The following PCDH15 variants were observed in gnomAD, a reference collection of about 807,000 sequenced individuals.
The protein encoded by PCDH15 is protocadherin-15.
A neutral mutation model predicts 178.5 loss-of-function variants in PCDH15; 129 were observed. The observed-to-expected ratio is 0.72, with a 90% CI of 0.63 to 0.84. The LOEUF (loss-of-function observed/expected upper bound fraction) is 0.84. Among genes scored for constraint, PCDH15 ranks in the 40% least tolerant of loss-of-function variants. The pLI is 0.00. For missense variants in PCDH15, 2,230 were observed against 2,099.9 expected, an observed-to-expected ratio of 1.06 and a Z score of -1.21; for synonymous variants, 800 against 732.0, an observed-to-expected ratio of 1.09 and a Z score of -1.50.
intron 3 of PCDH15, among the ~76,000 whole-genome samples, chr10:54,385,453 G>A (rs1481471729): frequency 6.6e-6 from 1 of 152,220 alleles, no homozygotes; most frequent in East Asian, 1.9e-4. Flanking sequence ...AACCATACGT[G>A]CTCAAGCAGT....
intron 3 of PCDH15, among the ~76,000 whole-genome samples, chr10:54,460,144 C>T (rs1400885231): frequency 6.6e-6 from 1 of 152,056 alleles, no homozygotes; most frequent in Non-Finnish European, 1.5e-5. Flanking sequence ...GGGTATAAAG[C>T]AGTCCACTAA....
At chr10:55,601,553 G>T (rs1279997622) in intron 2 of PCDH15, among the ~76,000 whole-genome samples, 6 of 152,152 alleles carry the variant, frequency 3.9e-5, no homozygotes, top group Admixed American at 3.9e-4. Flanking sequence ...ACAAGTAAGT[G>T]ATGTTAATTA....
intron 3 of PCDH15, among the ~76,000 whole-genome samples, chr10:54,496,427 T>C (rs1030663996): frequency 8.6e-5 from 13 of 152,022 alleles, no homozygotes; most frequent in Non-Finnish European, 1.8e-4. Context: ...TTTGCAACCA[T>C]GAAACAAGTC....
intron 1 of PCDH15, among the ~76,000 whole-genome samples, chr10:54,749,305 A>G (rs1945878448): frequency 6.6e-6 from 1 of 152,218 alleles, no homozygotes; most frequent in Admixed American, 6.5e-5. Context: ...TTTAGAACTA[A>G]GAAGAAATAT....
intron 3 of PCDH15, among the ~76,000 whole-genome samples, chr10:54,893,416 T>C (rs569730051): frequency 6.6e-6 from 1 of 152,212 alleles, no homozygotes; most frequent in South Asian, 2.1e-4. Context: ...TAAAATAATA[T>C]ATTTAATCTG....
At chr10:54,667,557 A>G (rs540070746) in intron 1 of PCDH15, among the ~76,000 whole-genome samples, 51 of 152,220 alleles carry the variant, frequency 3.4e-4, no homozygotes, top group South Asian at 1.2e-3. Context: ...TAAAAGAGAA[A>G]GTCCTATAGG....
At chr10:53,880,174 A>T (rs1209956521) in intron 26 of PCDH15, among the ~76,000 whole-genome samples, 4 of 152,218 alleles carry the variant, frequency 2.6e-5, no homozygotes, top group Non-Finnish European at 4.4e-5. Context: ...AATAGGTGTT[A>T]TGCATATTAC....
chr10:54,280,330 T>C (rs999941356), intron 8 of PCDH15, among the ~76,000 whole-genome samples: 11 of 151,324 alleles, frequency 7.3e-5, no homozygotes. Flanking sequence ...GAAAGACCTT[T>C]TTTATCCTAT....
chr10:54,698,426 ATTCTGTGT>A (rs1157274739), intron 1 of PCDH15, among the ~76,000 whole-genome samples: 1 of 152,088 alleles, frequency 6.6e-6, no homozygotes, highest in Non-Finnish European at 1.5e-5. Context: ...TGCTGTATAG[ATTCTGTGT>A]TTAGAAGGAT....
intron 2 of PCDH15, among the ~76,000 whole-genome samples, chr10:55,367,572 C>T (rs371247062): frequency 6.6e-6 from 1 of 151,886 alleles, no homozygotes; most frequent in South Asian, 2.1e-4. Flanking sequence ...AATAGTGAGA[C>T]CCTCTCTCAA....
chr10:54,026,072 A>AT (rs973797608), intron 18 of PCDH15, among the ~76,000 whole-genome samples: 31,547 of 142,726 alleles, frequency 0.22, 3,893 homozygotes, highest in Non-Finnish European at 0.3. Flanking sequence ...TTAGGATGGG[A>AT]TTTTTTTTTT....
chr10:55,249,283 A>C (rs1445426858), intron 1 of PCDH15, among the ~76,000 whole-genome samples: 1 of 152,224 alleles, frequency 6.6e-6, no homozygotes, highest in Non-Finnish European at 1.5e-5. Flanking sequence ...TACATATTTA[A>C]GTCAAATTTT....
At chr10:55,144,100 T>C (rs961493734) in intron 2 of PCDH15, among the ~76,000 whole-genome samples, 1 of 152,068 alleles carries the variant, frequency 6.6e-6, no homozygotes, top group African/African-American at 2.4e-5. Flanking sequence ...TGTCAGAAGA[T>C]GTTGCTATGT....
At chr10:53,842,373 C>T (rs61858296) in intron 28 of PCDH15, among the ~76,000 whole-genome samples, 27,947 of 152,100 alleles carry the variant, frequency 0.18, 3,028 homozygotes, top group Non-Finnish European at 0.26. Context: ...TCTCCTGTCT[C>T]ACGCCTGGAT....
At chr10:54,154,152 G>A (rs996043830) in intron 13 of PCDH15, among the ~76,000 whole-genome samples, 1 of 152,142 alleles carries the variant, frequency 6.6e-6, no homozygotes, top group African/African-American at 2.4e-5. Context: ...TATATTAAAA[G>A]TGGCTCCTTG....
chr10:55,316,126 T>G (rs1843716560), intron 1 of PCDH15, among the ~76,000 whole-genome samples: 2 of 152,170 alleles, frequency 1.3e-5, no homozygotes, highest in African/African-American at 4.8e-5. Flanking sequence ...TCCCAAAAAT[T>G]TTTCCATTTT....
At chr10:54,115,516 C>A (rs2095098090) in intron 15 of PCDH15, among the ~76,000 whole-genome samples, 1 of 152,158 alleles carries the variant, frequency 6.6e-6, no homozygotes, top group African/African-American at 2.4e-5. Context: ...TGAGGAAAGC[C>A]CAAGGTCAAG....
chr10:54,849,912 T>A (rs770053458), intron 3 of PCDH15, among the ~76,000 whole-genome samples: 5 of 152,180 alleles, frequency 3.3e-5, no homozygotes, highest in Non-Finnish European at 7.3e-5. Flanking sequence ...TAATTAGGAT[T>A]CTATGACTAT....
intron 1 of PCDH15, among the ~76,000 whole-genome samples, chr10:54,668,588 T>C (rs1483050860): frequency 6.6e-6 from 1 of 152,180 alleles, no homozygotes; most frequent in Non-Finnish European, 1.5e-5. Flanking sequence ...AGTCTGGAAA[T>C]ACACAAAGGT....
Sources: allele counts gnomAD v4.1 joint callset (sites outside exome capture counted in the v4.1 genomes callset), GRCh38; gene constraint gnomAD v4.1.1; transcripts MANE v1.5; gene names NCBI Gene and HGNC (gene_info 2026-07-23, HGNC 2026-07-21).